Variants in BIRC6 observed in about 807,000 individuals in gnomAD.
BIRC6 encodes dual E2 ubiquitin-conjugating enzyme/E3 ubiquitin-protein ligase BIRC6.
BIRC6 carries 98 observed loss-of-function variants against 503.3 expected under a neutral mutation model. The ratio of observed to expected loss-of-function variants is 0.19; its 90% CI spans 0.17 to 0.23. BIRC6 has a LOEUF of 0.23. Among genes scored for constraint, BIRC6 ranks in the 10% least tolerant of loss-of-function variants. The probability of loss-of-function intolerance (pLI) is 1.00; values close to 1 mark genes in which losing one functional copy is unlikely to be tolerated. For synonymous variants in BIRC6, 2,240 were observed against 2,078.7 expected (o/e 1.08, Z -2.11); for missense variants, 5,360 against 5,806.0 (o/e 0.92, Z 2.50).
intron 35 of BIRC6, 27 bp downstream of exon 35, chr2:32,477,610 C>A: frequency 2.5e-6 from 4 of 1,589,038 alleles, no homozygotes; most frequent in African/African-American, 1.3e-5. Context: ...TGTAGACTTA[C>A]AGGGTTGGCC....
rs779516844 is a variant in BIRC6, at chr2:32,510,665, C to T, written c.10346+31C>T. ...ATTTTATTTTTCATTTAATTAAGCA[C>T]ACACATGCACATAATCATGCTATAG... On this transcript the variant is annotated intron_variant, in intron 53 of 73. Transcript: ENST00000421745. 3.8e-6 allele frequency: 5 copies of T among 1,325,870 alleles called. No homozygotes were observed. In the African/African-American group the frequency reaches 7.2e-5, roughly 19 times the overall value. 82.1% of individuals were successfully genotyped at this position (1,325,870 alleles called of 1,614,324 possible).
At chr2:32,439,795 CTTGG>C (rs2045199464) in intron 16 of BIRC6, 109 bp downstream of exon 16, 1 of 962,034 alleles carries the variant, frequency 1.0e-6, no homozygotes, top group African/African-American at 1.7e-5. Context: ...TTACTATACG[CTTGG>C]TTTGTTTGTA....
At chr2:32,531,636 A>T in intron 61 of BIRC6, 85 bp downstream of exon 61, 1 of 1,198,952 alleles carries the variant, frequency 8.3e-7, no homozygotes, top group Non-Finnish European at 1.2e-6. Context: ...ATGTACTTGG[A>T]TTAACTTTGT....
chr2:32,475,178 A>AG (rs1355113374), intron 33 of BIRC6, among the ~76,000 whole-genome samples: 1 of 151,748 alleles, frequency 6.6e-6, no homozygotes, highest in African/African-American at 2.4e-5. Flanking sequence ...AAAAAAAAAA[A>AG]AAGTGTCAAT....
At chr2:32,565,433 T>A (rs1227419120) in intron 65 of BIRC6, 2 of 152,300 alleles carry the variant, frequency 1.3e-5, no homozygotes, top group East Asian at 3.9e-4. Context: ...CATTTTAAAA[T>A]TCAAAAGCTT....
chr2:32,564,560 C>T (rs144938788), intron 65 of BIRC6: 7 of 152,242 alleles, frequency 4.6e-5, no homozygotes, highest in Admixed American at 3.3e-4. Flanking sequence ...GATGGTATCT[C>T]ATTGTGGTTT....
At chr2:32,408,007 G>C (rs1315050629) in intron 9 of BIRC6, among the ~76,000 whole-genome samples, 9 of 150,786 alleles carry the variant, frequency 6.0e-5, no homozygotes, top group Admixed American at 6.0e-4. Flanking sequence ...TTGCTCTGTT[G>C]CCCAGGCTGG....
chr2:32,483,677 A>G (rs1407573408), intron 39 of BIRC6, among the ~76,000 whole-genome samples: 1 of 152,196 alleles, frequency 6.6e-6, no homozygotes, highest in African/African-American at 2.4e-5. Flanking sequence ...CCTTCATGAC[A>G]TTGATACTTT....
chr2:32,599,586 C>T (rs1218866915), intron 69 of BIRC6, among the ~76,000 whole-genome samples, 153 bp from the exon 70 acceptor site: 6 of 151,884 alleles, frequency 4.0e-5, no homozygotes, highest in African/African-American at 7.3e-5. Context: ...TGCAGTGAGC[C>T]GAGATTGCGC....
At chr2:32,505,432 C>T (rs1388344724) in intron 50 of BIRC6, 1 of 475,866 alleles carries the variant, frequency 2.1e-6, no homozygotes, top group Non-Finnish European at 3.8e-6. Flanking sequence ...AAATATGTTC[C>T]AGTTATATAT....
chr2:32,466,406 C>A (rs1230240481), intron 26 of BIRC6, among the ~76,000 whole-genome samples: 1 of 152,162 alleles, frequency 6.6e-6, no homozygotes, highest in African/African-American at 2.4e-5. Flanking sequence ...TGGGATATGT[C>A]TATACTGGGA....
Position 32,604,553 on chromosome 2 carries a change from A to C in BIRC6, c.14070+1470A>C, listed in dbSNP as rs1393399330. 4.6e-5 allele frequency among the ~76,000 whole-genome samples: 7 copies of C among 152,262 alleles called. No individual in the cohort carries two copies. In the East Asian group the frequency reaches 1.3e-3, roughly 29 times the overall value. ...CAGTGGTAAGATAACCCATGTCATA[A>C]AGTATTTTTTGAATTTAATTGCAGG... is the stretch of plus-strand genomic sequence containing the variant. On this transcript the variant is annotated intron_variant, in intron 71 of 73. Transcript: ENST00000421745.
At chr2:32,553,799 T>G (rs2150487123) in intron 65 of BIRC6, among the ~76,000 whole-genome samples, 1 of 152,338 alleles carries the variant, frequency 6.6e-6, no homozygotes, top group Admixed American at 6.5e-5. Context: ...GTTAACATTA[T>G]GGTTCCAGTT....
chr2:32,503,574 A>G (rs2053446477), intron 49 of BIRC6, among the ~76,000 whole-genome samples: 1 of 152,196 alleles, frequency 6.6e-6, no homozygotes, highest in South Asian at 2.1e-4. Flanking sequence ...GGCACCTGCC[A>G]CCACGCCTGG....
intron 71 of BIRC6, 128 bp from the exon 72 acceptor site, chr2:32,607,327 T>C: frequency 1.6e-6 from 1 of 642,506 alleles, no homozygotes; most frequent in African/African-American, 1.8e-5. Context: ...ATCATAAACA[T>C]TGATTTTATT....
chr2:32,437,470 T>A (rs1441651320), intron 15 of BIRC6, among the ~76,000 whole-genome samples: 1 of 152,228 alleles, frequency 6.6e-6, no homozygotes, highest in African/African-American at 2.4e-5. Flanking sequence ...ATATATCAGC[T>A]ATTTACATTT....
chr2:32,532,289 G>A (rs907648008), intron 61 of BIRC6: 1 of 482,326 alleles, frequency 2.1e-6, no homozygotes, highest in East Asian at 6.6e-5. Context: ...TGAGGAGGCT[G>A]TAAGTCTGAA....
Position 32,515,739 on chromosome 2 carries a change from G to A in BIRC6, c.11318G>A (p.Cys3773Tyr), listed in dbSNP as rs139710476. Residue 3773 changes from cysteine to tyrosine, a missense_variant, in exon 55 of 74, where the codon TGC (cysteine) becomes TAC (tyrosine). Transcript: ENST00000421745. ...TVAFFLQCISCHPNNQKLMAQ... is the reference protein window; with the variant it reads ...TVAFFLQCISYHPNNQKLMAQ... ...GCGTTCTTTCTACAGTGCATTTCAT[G>A]CCATCCTAATAATCAAAAGCTGATG... is the stretch of plus-strand genomic sequence containing the variant. 1.9e-6 allele frequency: 3 copies of A among 1,599,672 alleles called. No individual in the cohort carries two copies. The highest frequency in any genetic ancestry group is 2.5e-6 in the Non-Finnish European group (3 of 1,179,460).
intron 46 of BIRC6, 139 bp downstream of exon 46, chr2:32,500,248 G>A (rs2052996560): frequency 2.8e-6 from 2 of 705,602 alleles, no homozygotes; most frequent in African/African-American, 3.6e-5. Context: ...TTTTATTGGT[G>A]AGGACTTCTG....
Sources: allele counts gnomAD v4.1 joint callset (sites outside exome capture counted in the v4.1 genomes callset), GRCh38; gene constraint gnomAD v4.1.1; transcripts MANE v1.5; gene names NCBI Gene and HGNC (gene_info 2026-07-23, HGNC 2026-07-21).